The following SLC37A1 variants were observed in gnomAD, a reference collection of about 807,000 sequenced individuals.
The protein encoded by SLC37A1 is solute carrier family 37 member 1.
A neutral mutation model predicts 75.3 loss-of-function variants in SLC37A1; 49 were observed. That is an observed-to-expected ratio of 0.65 (90% CI 0.52 to 0.83). SLC37A1 has a LOEUF of 0.83. Among genes scored for constraint, SLC37A1 ranks in the 40% least tolerant of loss-of-function variants. The pLI is 0.00. For missense variants in SLC37A1, 566 were observed against 695.0 expected (o/e 0.81, Z 2.09); for synonymous variants, 268 against 292.1 (o/e 0.92, Z 0.84).
chr21:42,543,845 C>T (rs532998531), intron 8 of SLC37A1, among the ~76,000 whole-genome samples: 1 of 152,238 alleles, frequency 6.6e-6, no homozygotes, highest in African/African-American at 2.4e-5. Context: ...CTCCCGTCCT[C>T]CTGTCCTCCC....
At chr21:42,553,515 T>G (rs2055606167) in intron 9 of SLC37A1, among the ~76,000 whole-genome samples, 1 of 152,206 alleles carries the variant, frequency 6.6e-6, no homozygotes, top group South Asian at 2.1e-4. Context: ...CTGCCTTCAT[T>G]TCTTCACTTT....
chr21:42,522,025 C>T (rs6586324), intron 2 of SLC37A1, among the ~76,000 whole-genome samples: 62,433 of 152,098 alleles, frequency 0.41, 13,958 homozygotes, highest in Admixed American at 0.6. Context: ...CTGCTGCCGC[C>T]GTTCTTGGCT....
In SLC37A1 at chr21:42,505,624, G is replaced by A. The variant is rs547936890; in HGVS notation, c.-179+3207G>A. Among the ~76,000 whole-genome samples the A allele has an allele frequency of 2.0e-5, 3 of 152,268 alleles. No individual in the cohort carries two copies. In the South Asian group the frequency reaches 6.2e-4, roughly 32 times the overall value. ...TCCTTGTGGCTTCAGCCCCCAGCAG[G>A]TAGGGAGCCCACCAAGCTTCAACTC... On this transcript the variant is annotated intron_variant, in intron 2 of 20. Transcript: ENST00000398341.
At chr21:42,530,615 C>T (rs2054925680) in intron 3 of SLC37A1, among the ~76,000 whole-genome samples, 1 of 51,998 alleles carries the variant, frequency 1.9e-5, no homozygotes, top group Admixed American at 2.3e-4. Flanking sequence ...CACACACACA[C>T]ACACACACAC....
intron 11 of SLC37A1, among the ~76,000 whole-genome samples, chr21:42,560,075 G>C (rs2055791011): frequency 6.6e-6 from 1 of 152,184 alleles, no homozygotes; most frequent in Non-Finnish European, 1.5e-5. Context: ...CTCCAGACTA[G>C]AAGGGCGTGA....
rs1284663472 is a variant in SLC37A1 at position 42,513,937 on chromosome 21, G to A, written c.-959G>A. The A allele has an allele frequency of 6.8e-6, 1 of 146,716 alleles. No homozygotes were observed. Among genetic ancestry groups the A allele is most frequent in the African/African-American group, 2.4e-5 (1 of 40,846 alleles). 9.1% of individuals were successfully genotyped at this position (146,716 alleles called of 1,614,324 possible). A position where few individuals can be genotyped will look rare whatever the true frequency, so the allele number is the denominator to read the frequency against. On this transcript the variant is annotated 5_prime_UTR_variant, in exon 1 of 20. Coordinates refer to ENST00000352133, the MANE Select transcript of SLC37A1 (RefSeq NM_001320537.2). ...CTCGGCGGCGCAGGTGAGGCGCGGG[G>A]CCGGGGCCGGACCGGGAGGCGGGGA...
chr21:42,518,465 T>A lies in SLC37A1; in HGVS notation c.11T>A (p.Leu4His). The A allele has an allele frequency of 6.2e-7, 1 of 1,614,100 alleles. No homozygotes were observed. The highest frequency in any genetic ancestry group is 8.5e-7 in the Non-Finnish European group (1 of 1,180,002). The change falls in exon 2 of 20, where the codon CTC becomes CAC. Residue 4 changes from leucine (L) to histidine (H), a missense_variant. By Grantham distance (99) the Leu-to-His change is moderately conservative. Transcript: ENST00000352133. ...TCAGTGGCGACGTAAATGGCTCGACTCCCCGCTGGCATTCGCTTCATCATC... is the reference window on the plus strand; with the variant it reads ...TCAGTGGCGACGTAAATGGCTCGACACCCCGCTGGCATTCGCTTCATCATC... MARLPAGIRFIISF... is the reference protein window; with the variant it reads MARHPAGIRFIISF...
In SLC37A1 at chr21:42,568,511, G is replaced by T. The variant is rs2056039735; in HGVS notation, c.1423+73G>T. 3.5e-6 allele frequency: 5 copies of T among 1,425,140 alleles called. No homozygotes were observed. In the South Asian group the frequency reaches 6.0e-5, roughly 17 times the overall value. The allele number at this position is 1,425,140 out of a possible 1,614,324, so 88.3% of individuals were successfully genotyped here. On this transcript the variant is annotated intron_variant, in intron 17 of 19. Coordinates refer to ENST00000352133, the MANE Select transcript of SLC37A1 (RefSeq NM_001320537.2). ...TCACATTGTCACATGCTCGTGAACA[G>T]GTACCCAGGGTTCCAACTGCATCTA...
chr21:42,534,158 T>C (rs1271783226), intron 3 of SLC37A1, among the ~76,000 whole-genome samples: 1 of 152,152 alleles, frequency 6.6e-6, no homozygotes, highest in East Asian at 1.9e-4. Flanking sequence ...GCCGCATGGA[T>C]TCGTTGCCCA....
chr21:42,534,978 C>T, intron 4 of SLC37A1, 148 bp downstream of exon 4: 1 of 1,099,312 alleles, frequency 9.1e-7, no homozygotes. Flanking sequence ...GACTTCACCG[C>T]CACGGTGTCC....
rs1004863144 is a variant in SLC37A1, at chr21:42,545,757, T to C, written c.731-1346T>C. On this transcript the variant is annotated intron_variant, in intron 8 of 19. Transcript: ENST00000352133. This position sits in a 1 kb window ranked among gnomAD's most constrained non-coding sequence, Gnocchi z 4.0. The stretch of plus-strand genomic sequence containing the variant: ...GTGAGTTGGCTGATGTCCTTTAAAT[T>C]GGTGACCATACATCACAGGTGGACC... 2.2e-4 allele frequency among the ~76,000 whole-genome samples: 33 copies of C among 152,334 alleles called. 1 individual carries two copies. Among genetic ancestry groups the C allele is most frequent in the African/African-American group, 7.7e-4 (32 of 41,582 alleles).
intron 17 of SLC37A1, among the ~76,000 whole-genome samples, chr21:42,574,285 A>G (rs1041160851): frequency 2.0e-5 from 3 of 152,248 alleles, no homozygotes; most frequent in Non-Finnish European, 2.9e-5. Flanking sequence ...AAGATTGTGC[A>G]TTGAATTCAG....
intron 2 of SLC37A1, among the ~76,000 whole-genome samples, chr21:42,503,479 G>A (rs34539184): frequency 0.066 from 9,999 of 152,018 alleles, 486 homozygotes; most frequent in Non-Finnish European, 0.1. Flanking sequence ...ACAACATGTG[G>A]ATCAAGAGAT....
chr21:42,568,798 C>T (rs1022264335), intron 17 of SLC37A1, among the ~76,000 whole-genome samples: 5 of 101,738 alleles, frequency 4.9e-5, no homozygotes, highest in African/African-American at 1.3e-4. Context: ...CAAAATCATA[C>T]AGGGTTCTGA....
intron 2 of SLC37A1, among the ~76,000 whole-genome samples, chr21:42,522,999 C>T (rs1461684012): frequency 1.3e-5 from 2 of 152,246 alleles, no homozygotes; most frequent in African/African-American, 2.4e-5. Context: ...ATTGGGAACG[C>T]GGTGTGTGTC....
intron 3 of SLC37A1, among the ~76,000 whole-genome samples, chr21:42,530,630 A>C (rs1601689346): frequency 9.8e-6 from 1 of 101,814 alleles, no homozygotes; most frequent in African/African-American, 3.7e-5. Flanking sequence ...ACACACACAC[A>C]CACACACACA....
intron 17 of SLC37A1, among the ~76,000 whole-genome samples, chr21:42,573,346 C>A (rs1440448001): frequency 6.6e-6 from 1 of 150,748 alleles, no homozygotes; most frequent in Non-Finnish European, 1.5e-5. Context: ...GCCTTCCCCT[C>A]CCCTGTCTCT....
intron 10 of SLC37A1, among the ~76,000 whole-genome samples, chr21:42,554,425 C>T (rs565655362): frequency 3.9e-5 from 6 of 152,120 alleles, no homozygotes; most frequent in Non-Finnish European, 7.4e-5. Flanking sequence ...GTAGACGGAA[C>T]GCAGGCAGAG....
At chr21:42,522,093 C>G (rs573670769) in intron 2 of SLC37A1, among the ~76,000 whole-genome samples, 8 of 152,214 alleles carry the variant, frequency 5.3e-5, no homozygotes, top group African/African-American at 1.9e-4. Flanking sequence ...CTTCCTGTCT[C>G]TGAGTCTTTG....
Sources: gnomAD v4.1 joint callset for allele counts (sites outside exome capture counted in the v4.1 genomes callset) on GRCh38, gnomAD v4.1.1 for gene constraint, Gnocchi (gnomAD v3.1) non-coding constraint, MANE v1.5 for transcripts, NCBI Gene and HGNC (gene_info 2026-07-23, HGNC 2026-07-21) for gene names.